Variants in SYNE1 observed in about 807,000 individuals in gnomAD.
SYNE1 encodes the protein spectrin repeat containing nuclear envelope protein 1.
A neutral mutation model predicts 1,111.0 loss-of-function variants in SYNE1; 616 were observed. The ratio of observed to expected loss-of-function variants is 0.55; its 90% CI spans 0.52 to 0.59. The LOEUF is 0.59. SYNE1 is among the 20% of genes least tolerant of loss of function. SYNE1 has a pLI of 0.00. For synonymous variants in SYNE1, 3,855 were observed against 3,825.8 expected (o/e 1.01, Z -0.28); for missense variants, 10,006 against 10,417.0 (o/e 0.96, Z 1.72).
At chr6:152,561,255 G>A (rs1368519843) in intron 3 of SYNE1, among the ~76,000 whole-genome samples, 2 of 151,476 alleles carry the variant, frequency 1.3e-5, no homozygotes, top group Non-Finnish European at 2.9e-5. Context: ...TCAGTTGCAT[G>A]TCTATACATA....
At chr6:152,430,280 G>A in intron 35 of SYNE1, 70 bp from the exon 36 acceptor site, 1 of 1,343,568 alleles carries the variant, frequency 7.4e-7, no homozygotes, top group Non-Finnish European at 1.0e-6. Context: ...AAAAGTTACT[G>A]AGAAAATGGC....
At chr6:152,323,336 G>A (rs937334338) in intron 82 of SYNE1, 142 bp downstream of exon 82, 3 of 1,286,630 alleles carry the variant, frequency 2.3e-6, no homozygotes, top group South Asian at 2.7e-5. Flanking sequence ...TACTCAGAGA[G>A]GCTGAGGCAG....
rs71784634 is a variant in SYNE1 at position 152,236,498 on chromosome 6, A to AT, written c.20200-196dup. Among the ~76,000 whole-genome samples, 9,236 of 149,346 alleles carry AT rather than the reference A, an allele frequency of 0.062. 307 individuals are homozygous for AT. The highest frequency in any genetic ancestry group is 0.14 in the East Asian group (735 of 5,128). ...AGACAGTCTCCTTTTGTTGTTTATT[A>AT]TTTTTTTTTTGGTAATGACTTTAGG... is the stretch of plus-strand genomic sequence containing the variant. On this transcript the variant is annotated intron_variant, in intron 109 of 145. Transcript: ENST00000367255.
intron 82 of SYNE1, among the ~76,000 whole-genome samples, chr6:152,323,225 C>T (rs542766309): frequency 1.3e-5 from 2 of 152,070 alleles, no homozygotes; most frequent in Non-Finnish European, 2.9e-5. Context: ...CCGAGGCGGG[C>T]GGATCACGAG....
intron 131 of SYNE1, among the ~76,000 whole-genome samples, chr6:152,159,910 T>C (rs1167267327): frequency 6.6e-6 from 1 of 152,214 alleles, no homozygotes; most frequent in Non-Finnish European, 1.5e-5. Flanking sequence ...CTAATGACTG[T>C]TACAGTACAA....
intron 3 of SYNE1, among the ~76,000 whole-genome samples, chr6:152,591,654 A>G (rs1397592860): frequency 6.6e-6 from 1 of 152,204 alleles, no homozygotes; most frequent in Non-Finnish European, 1.5e-5. Flanking sequence ...CCAAAAATTG[A>G]CAGGTGGGAA....
chr6:152,574,294 A>G (rs181799823), intron 3 of SYNE1, among the ~76,000 whole-genome samples: 23 of 151,066 alleles, frequency 1.5e-4, no homozygotes, highest in East Asian at 1.4e-3. Context: ...GGAAATATAT[A>G]TAATATATAT....
Position 152,430,677 on chromosome 6 carries a change from G to A in SYNE1, c.4494C>T (p.Ser1498=). 6.2e-7 allele frequency: 1 copy of A among 1,614,048 alleles called. No individual in the cohort carries two copies. Among genetic ancestry groups the A allele is most frequent in the Non-Finnish European group, 8.5e-7 (1 of 1,179,962 alleles). The change falls in exon 35 of 146, where the codon AGC becomes AGT. Residue 1498 remains serine, a synonymous_variant. Coordinates refer to ENST00000367255, the MANE Select transcript of SYNE1 (RefSeq NM_182961.4). ...VTIQEIESKL[S]SIVGLEEEAQ... The stretch of plus-strand genomic sequence containing the variant: ...CTTCTTCTTCTAATCCTACAATGCT[G>A]CTGAGCTTACTTTCTATTTCCTGAA...
intron 130 of SYNE1, among the ~76,000 whole-genome samples, chr6:152,175,480 C>G (rs2066219558): frequency 6.6e-6 from 1 of 152,132 alleles, no homozygotes; most frequent in African/African-American, 2.4e-5. Flanking sequence ...TGGGATGGAC[C>G]CCAAATGGCA....
At chr6:152,258,137 G>T (rs372776969) in intron 101 of SYNE1, among the ~76,000 whole-genome samples, 1 of 152,066 alleles carries the variant, frequency 6.6e-6, no homozygotes, top group East Asian at 1.9e-4. Context: ...AATTCTGAAG[G>T]GATAAAAGTA....
At chr6:152,343,793 C>T (rs960011179) in intron 74 of SYNE1, among the ~76,000 whole-genome samples, 2 of 152,006 alleles carry the variant, frequency 1.3e-5, no homozygotes, top group African/African-American at 4.8e-5. Context: ...GTCTCGAGCT[C>T]CTGGCCTCAA....
chr6:152,243,022 T>C (rs145234711), intron 106 of SYNE1, among the ~76,000 whole-genome samples: 29 of 152,284 alleles, frequency 1.9e-4, no homozygotes, highest in African/African-American at 6.7e-4. Context: ...AAAATAAGGT[T>C]AATATTTTAA....
chr6:152,363,670 C>G, intron 63 of SYNE1: 1 of 452,960 alleles, frequency 2.2e-6, no homozygotes, highest in East Asian at 7.0e-5. Flanking sequence ...GCAGCACAGT[C>G]CAGTTGGACT....
Position 152,331,518 on chromosome 6 carries a change from G to T in SYNE1, c.13167C>A (p.Ala4389=), listed in dbSNP as rs149695755. 3.7e-6 allele frequency: 6 copies of T among 1,613,962 alleles called. No homozygotes were observed. The African/African-American group carries it at 6.7e-5, about 18-fold the overall frequency. ...GCTTGGCCTCCAGTTCACTGCAGAT[G>T]GCCAGGTGATCCATGAGAAGGTTCT... is the stretch of plus-strand genomic sequence containing the variant. The part of the protein sequence containing the change: ...MAQNLLMDHL[A]ICSELEAKQM... Residue 4389 remains alanine (A), a synonymous_variant, in exon 78 of 146, where the codon GCC becomes GCA. Coordinates refer to ENST00000367255, the MANE Select transcript of SYNE1 (RefSeq NM_182961.4).
intron 115 of SYNE1, among the ~76,000 whole-genome samples, chr6:152,229,574 G>T (rs1253055993): frequency 1.3e-5 from 2 of 152,128 alleles, no homozygotes; most frequent in Non-Finnish European, 2.9e-5. Flanking sequence ...TGAAGTGCTT[G>T]TTCAGAGGAG....
intron 3 of SYNE1, among the ~76,000 whole-genome samples, chr6:152,620,647 A>G (rs575465102): frequency 6.6e-6 from 1 of 152,296 alleles, no homozygotes; most frequent in Non-Finnish European, 1.5e-5. Context: ...TACCTTCAAA[A>G]TATATCTAGA....
At position 152,249,259 on chromosome 6, in the gene SYNE1, C is replaced by T; in HGVS notation, c.19474G>A (p.Asp6492Asn). The T allele has an allele frequency of 6.2e-7, 1 of 1,603,338 alleles. No individual in the cohort carries two copies. The highest frequency in any genetic ancestry group is 1.1e-5 in the South Asian group (1 of 90,848). Residue 6492 changes from aspartate (D) to asparagine (N), a missense_variant, in exon 105 of 146, where the codon GAT (aspartate) becomes AAT (asparagine). Asp to Asn is a conservative substitution (Grantham distance 23). Transcript: ENST00000367255. ...AGTGATGTAAACAGCACTTTCAGAT[C>T]ATTCTAAGGAGGAAAGCAACGGGAA... is the stretch of plus-strand genomic sequence containing the variant. ...RLQQILNFQN[D>N]LKVLFTSLAD...
In SYNE1 at chr6:152,321,385, G is replaced by A; in HGVS notation, c.16089C>T (p.Leu5363=). 6.2e-7 allele frequency: 1 copy of A among 1,613,660 alleles called. No homozygotes were observed. The highest frequency in any genetic ancestry group is 8.5e-7 in the Non-Finnish European group (1 of 1,179,860). ...IDAQLEELQI[L]LTEATNHRQN... The stretch of plus-strand genomic sequence containing the variant: ...GTCGGTGATTTGTGGCTTCTGTTAG[G>A]AGAATCTGAAGAAAAGATCAAAATA... Residue 5363 remains leucine (L), a synonymous_variant, in exon 84 of 146, where the codon CTC becomes CTT. Coordinates refer to ENST00000367255, the MANE Select transcript of SYNE1 (RefSeq NM_182961.4).
Position 152,419,677 on chromosome 6 carries a change from A to G in SYNE1, c.5313T>C (p.Asp1771=). The G allele has an allele frequency of 6.2e-7, 1 of 1,614,020 alleles. No individual in the cohort carries two copies. The highest frequency in any genetic ancestry group is 1.1e-5 in the South Asian group (1 of 91,072). The change falls in exon 40 of 146, where the codon GAT becomes GAC. Residue 1771 remains aspartate, a synonymous_variant. Transcript: ENST00000367255. ...AGACAGAAAAGGAAAGCAGCAGCTC[A>G]TCAAATTGCTGGTGTTCAGCAACCA... ...QSVVAEHQQF[D]ELLLSFSVWI...
Sources: gnomAD v4.1 joint callset for allele counts (sites outside exome capture counted in the v4.1 genomes callset) on GRCh38, gnomAD v4.1.1 for gene constraint, MANE v1.5 for transcripts, NCBI Gene and HGNC (gene_info 2026-07-23, HGNC 2026-07-21) for gene names.